The following ZNF704 variants were observed in gnomAD, a reference collection of about 807,000 sequenced individuals.
ZNF704 encodes the protein glucocorticoid induced gene 1.
A neutral mutation model predicts 44.7 loss-of-function variants in ZNF704; 10 were observed. That is an observed-to-expected ratio of 0.22 (90% CI 0.14 to 0.38). The LOEUF is 0.38. Ranked by LOEUF, ZNF704 falls within the 10% of genes least tolerant of loss-of-function variation. The pLI, the probability that ZNF704 is intolerant of heterozygous loss-of-function variation, is 1.00. For missense variants in ZNF704, 390 were observed against 545.5 expected (o/e 0.71, Z 2.84); for synonymous variants, 211 against 207.6 (o/e 1.02, Z -0.14).
chr8:80,809,733 A>T (rs1808053147), intron 2 of ZNF704, among the ~76,000 whole-genome samples: 1 of 152,254 alleles, frequency 6.6e-6, no homozygotes. Context: ...CTAAGTCTAC[A>T]TACCATTCTT....
At chr8:80,728,075 A>G (rs962513786) in intron 2 of ZNF704, among the ~76,000 whole-genome samples, 2 of 152,228 alleles carry the variant, frequency 1.3e-5, no homozygotes, top group East Asian at 3.8e-4. Flanking sequence ...CAGCAATAAT[A>G]TTAAATAATA....
chr8:80,783,739 C>G (rs1026129092), intron 2 of ZNF704, among the ~76,000 whole-genome samples: 1 of 152,106 alleles, frequency 6.6e-6, no homozygotes, highest in African/African-American at 2.4e-5. Flanking sequence ...TACACTGAGA[C>G]ATTATCACCC....
intron 2 of ZNF704, among the ~76,000 whole-genome samples, chr8:80,741,443 T>C (rs1360132829): frequency 6.6e-6 from 1 of 152,148 alleles, no homozygotes; most frequent in Non-Finnish European, 1.5e-5. Context: ...TGGCAAAGGG[T>C]TGGCCTCATT....
intron 2 of ZNF704, among the ~76,000 whole-genome samples, chr8:80,734,467 T>C (rs1806632831): frequency 6.6e-6 from 1 of 151,378 alleles, no homozygotes; most frequent in South Asian, 2.1e-4. Flanking sequence ...AAGAATTAGA[T>C]GTCTAACTGT....
At chr8:80,738,986 G>T (rs1324977584) in intron 2 of ZNF704, among the ~76,000 whole-genome samples, 1 of 152,066 alleles carries the variant, frequency 6.6e-6, no homozygotes. Flanking sequence ...AGAAGGGTAG[G>T]ACAAGCAGGA....
chr8:80,671,116 G>A (rs1381956657), intron 4 of ZNF704, among the ~76,000 whole-genome samples: 1 of 152,016 alleles, frequency 6.6e-6, no homozygotes, highest in Non-Finnish European at 1.5e-5. Flanking sequence ...CTTCAACAAG[G>A]GTCACAGTAT....
At chr8:80,673,981 A>G (rs576123165) in intron 4 of ZNF704, among the ~76,000 whole-genome samples, 2 of 152,370 alleles carry the variant, frequency 1.3e-5, no homozygotes, top group South Asian at 4.1e-4. Context: ...ACACACACCC[A>G]GCTCCATGAT....
chr8:80,649,902 G>C (rs1351593424), intron 7 of ZNF704, among the ~76,000 whole-genome samples: 1 of 152,204 alleles, frequency 6.6e-6, no homozygotes, highest in Non-Finnish European at 1.5e-5. Context: ...GCCTAACTGG[G>C]AGGCATCCCC....
chr8:80,840,001 G>A (rs562191234), intron 1 of ZNF704, among the ~76,000 whole-genome samples: 1 of 152,328 alleles, frequency 6.6e-6, no homozygotes, highest in South Asian at 2.1e-4. Context: ...TTTAGAGGCA[G>A]AGAGCAAGTT....
intron 3 of ZNF704, among the ~76,000 whole-genome samples, chr8:80,692,696 C>A (rs537601255): frequency 6.6e-6 from 1 of 152,306 alleles, no homozygotes; most frequent in East Asian, 1.9e-4. Context: ...TTAGCTCAAT[C>A]TTCATTTACC....
intron 7 of ZNF704, 32 bp downstream of exon 7, chr8:80,659,553 C>T: frequency 6.3e-7 from 1 of 1,596,446 alleles, no homozygotes; most frequent in Non-Finnish European, 8.6e-7. Flanking sequence ...TGGCTTTGAC[C>T]AGATTTTTGG....
chr8:80,733,289 C>A (rs1323023173), intron 2 of ZNF704, among the ~76,000 whole-genome samples: 2 of 152,180 alleles, frequency 1.3e-5, no homozygotes, highest in East Asian at 3.9e-4. Flanking sequence ...CTGTTATTTT[C>A]ATTGTTTTCT....
intron 2 of ZNF704, among the ~76,000 whole-genome samples, chr8:80,813,638 G>C (rs540673994): frequency 1.3e-5 from 2 of 152,270 alleles, no homozygotes; most frequent in African/African-American, 4.8e-5. Context: ...AGCACTTTGG[G>C]AGGCCGAGGC....
chr8:80,750,940 G>A (rs1806932404), intron 2 of ZNF704, among the ~76,000 whole-genome samples: 1 of 152,176 alleles, frequency 6.6e-6, no homozygotes, highest in South Asian at 2.1e-4. Context: ...TGGGGTGACT[G>A]TTCCTAAACA....
At chr8:80,835,597 G>C (rs1398665693) in intron 1 of ZNF704, among the ~76,000 whole-genome samples, 1 of 152,190 alleles carries the variant, frequency 6.6e-6, no homozygotes, top group Non-Finnish European at 1.5e-5. Flanking sequence ...GGTGAACATA[G>C]AGTAGCTACA....
intron 1 of ZNF704, among the ~76,000 whole-genome samples, chr8:80,830,775 T>TC (rs1808458924): frequency 6.8e-6 from 1 of 146,522 alleles, no homozygotes; most frequent in Non-Finnish European, 1.5e-5. Flanking sequence ...TTTTTTTTTT[T>TC]CAGATGGAGT....
chr8:80,845,563 T>C (rs554468273), intron 1 of ZNF704, among the ~76,000 whole-genome samples: 5 of 152,284 alleles, frequency 3.3e-5, no homozygotes, highest in African/African-American at 1.2e-4. Context: ...CTTTCAGCAA[T>C]GACGAAGAAA....
In ZNF704 at chr8:80,638,327, T is replaced by C. The variant is rs1817691833; in HGVS notation, c.*3039A>G. On this transcript the variant is annotated 3_prime_UTR_variant, in exon 9 of 9. Coordinates refer to ENST00000327835, the MANE Select transcript of ZNF704 (RefSeq NM_001033723.3). ...AAAAAAAAATCAAAAGGCTACATCA[T>C]GCCTTACTTAGAAATATTTTGGGAC... The C allele has an allele frequency of 6.6e-6, 1 of 152,330 alleles. No individual in the cohort carries two copies. Among genetic ancestry groups the C allele is most frequent in the African/African-American group, 2.4e-5 (1 of 41,458 alleles). The allele number at this position is 152,330 out of a possible 1,614,324, so 9.4% of individuals were successfully genotyped here. A position where few individuals can be genotyped will look rare whatever the true frequency, so the allele number is the denominator to read the frequency against.
chr8:80,859,290 TA>T (rs1218407581), intron 1 of ZNF704, among the ~76,000 whole-genome samples: 8 of 152,218 alleles, frequency 5.3e-5, no homozygotes, highest in Admixed American at 5.2e-4. Context: ...ACCAGACTGC[TA>T]GACTCAAAAA....
Sources: gnomAD v4.1 joint callset for allele counts (sites outside exome capture counted in the v4.1 genomes callset) on GRCh38, gnomAD v4.1.1 for gene constraint, MANE v1.5 for transcripts, NCBI Gene and HGNC (gene_info 2026-07-23, HGNC 2026-07-21) for gene names.